The following NARS2 variants were observed in gnomAD, a reference collection of about 807,000 sequenced individuals.
NARS2 encodes the protein asparaginyl-tRNA synthetase 2, mitochondrial.
In NARS2, 60 loss-of-function variants were observed where a neutral mutation model predicts 62.9. The ratio of observed to expected loss-of-function variants is 0.95; its 90% CI spans 0.77 to 1.18. NARS2 has a LOEUF of 1.18. Ranked by LOEUF, NARS2 falls within the 50% of genes most tolerant of loss-of-function variation. The probability of loss-of-function intolerance (pLI) is 0.00; values close to 1 mark genes in which losing one functional copy is unlikely to be tolerated. For synonymous variants in NARS2, 196 were observed against 200.0 expected, an observed-to-expected ratio of 0.98 and a Z score of 0.17; for missense variants, 619 against 576.4, an observed-to-expected ratio of 1.07 and a Z score of -0.76.
At chr11:78,455,625 T>C (rs1858131888) in intron 11 of NARS2, among the ~76,000 whole-genome samples, 1 of 152,074 alleles carries the variant, frequency 6.6e-6, no homozygotes, top group African/African-American at 2.4e-5. Context: ...ACAAGAAAGA[T>C]CAAGTGGTAT....
intron 11 of NARS2, among the ~76,000 whole-genome samples, chr11:78,450,307 A>G (rs1857921664): frequency 6.6e-6 from 1 of 152,224 alleles, no homozygotes; most frequent in South Asian, 2.1e-4. Flanking sequence ...TCAGTATGGA[A>G]GAACTTACCA....
chr11:78,465,416 C>A (rs931354368), intron 11 of NARS2, among the ~76,000 whole-genome samples: 1 of 152,244 alleles, frequency 6.6e-6, no homozygotes, highest in African/African-American at 2.4e-5. Flanking sequence ...GCCGAGGAGG[C>A]GCCGAGAGCG....
chr11:78,525,010 A>G (rs1861247404), intron 6 of NARS2, among the ~76,000 whole-genome samples: 1 of 152,134 alleles, frequency 6.6e-6, no homozygotes, highest in Admixed American at 6.6e-5. Flanking sequence ...GGAACTTTAA[A>G]TTCATATTAC....
intron 7 of NARS2, among the ~76,000 whole-genome samples, chr11:78,485,541 C>T (rs1859535022): frequency 1.3e-5 from 2 of 151,878 alleles, no homozygotes; most frequent in Non-Finnish European, 1.5e-5. Flanking sequence ...CCATTTTTAC[C>T]TCCTTTGTCT....
chr11:78,508,447 G>A (rs1184656413), intron 6 of NARS2, among the ~76,000 whole-genome samples: 1 of 151,846 alleles, frequency 6.6e-6, no homozygotes, highest in Non-Finnish European at 1.5e-5. Flanking sequence ...AAATTAGCTG[G>A]GCATGGTGAC....
chr11:78,454,344 GCCT>G (rs1858076668), intron 11 of NARS2, among the ~76,000 whole-genome samples: 1 of 152,138 alleles, frequency 6.6e-6, no homozygotes, highest in Admixed American at 6.5e-5. Context: ...CATGGGGGTG[GCCT>G]CCTCATGAAT....
At chr11:78,540,851 T>A (rs928951453) in intron 5 of NARS2, among the ~76,000 whole-genome samples, 1 of 152,172 alleles carries the variant, frequency 6.6e-6, no homozygotes, top group Non-Finnish European at 1.5e-5. Context: ...ATACAGATAG[T>A]AAAGAATAAA....
At chr11:78,469,038 A>C (rs1017711465) in intron 10 of NARS2, among the ~76,000 whole-genome samples, 1 of 152,088 alleles carries the variant, frequency 6.6e-6, no homozygotes, top group Non-Finnish European at 1.5e-5. Context: ...AAATGATAAA[A>C]TTTATTTTTA....
chr11:78,571,630 G>A, intron 1 of NARS2, 186 bp from the exon 2 acceptor site: 1 of 483,778 alleles, frequency 2.1e-6, no homozygotes, highest in Non-Finnish European at 3.7e-6. Flanking sequence ...TACACACTTT[G>A]GTATTCTATC....
chr11:78,453,736 T>C (rs1858053796), intron 11 of NARS2, among the ~76,000 whole-genome samples: 3 of 152,242 alleles, frequency 2.0e-5, no homozygotes, highest in African/African-American at 4.8e-5. Context: ...TTGCTGTAAC[T>C]GCTGAAATAC....
intron 11 of NARS2, among the ~76,000 whole-genome samples, chr11:78,452,127 T>G (rs1857992304): frequency 6.6e-6 from 1 of 152,166 alleles, no homozygotes; most frequent in South Asian, 2.1e-4. Flanking sequence ...TAAATTTTTT[T>G]GAGATGGAGT....
chr11:78,560,056 C>G (rs1046873762), intron 4 of NARS2, among the ~76,000 whole-genome samples: 2 of 152,150 alleles, frequency 1.3e-5, no homozygotes, highest in African/African-American at 4.8e-5. Context: ...TGATGCTGCC[C>G]ACGTTGCTAG....
At chr11:78,479,204 CTAAATA>C (rs1305710396) in intron 7 of NARS2, among the ~76,000 whole-genome samples, 2 of 152,004 alleles carry the variant, frequency 1.3e-5, no homozygotes, top group South Asian at 2.1e-4. Flanking sequence ...GATGATATAT[CTAAATA>C]TAAATATATA....
intron 6 of NARS2, among the ~76,000 whole-genome samples, chr11:78,511,643 G>A (rs889472527): frequency 5.9e-5 from 9 of 152,008 alleles, no homozygotes; most frequent in African/African-American, 9.7e-5. Context: ...CGTGAATCCC[G>A]GAGGCGGAGC....
chr11:78,503,449 G>A (rs1860362573), intron 6 of NARS2, among the ~76,000 whole-genome samples: 1 of 152,086 alleles, frequency 6.6e-6, no homozygotes, highest in Non-Finnish European at 1.5e-5. Context: ...TGTTGGCCAG[G>A]CTGGTATTGA....
At chr11:78,462,310 G>C (rs1460618081) in intron 11 of NARS2, among the ~76,000 whole-genome samples, 1 of 152,118 alleles carries the variant, frequency 6.6e-6, no homozygotes, top group African/African-American at 2.4e-5. Context: ...GATAATCTAG[G>C]TCCTAATGTC....
At position 78,466,023 on chromosome 11, in the gene NARS2, GAAGA is replaced by G. The variant is rs1237662158; in HGVS notation, c.1027-14_1027-11del. 1.9e-6 allele frequency: 3 copies of G among 1,575,496 alleles called. No homozygotes were observed. The highest frequency in any genetic ancestry group is 2.3e-5 in the East Asian group (1 of 44,326). On this transcript the variant is annotated splice_polypyrimidine_tract_variant and intron_variant, in intron 10 of 13. Transcript: ENST00000281038. Reference sequence around the variant, plus strand: ...GTAGGTCAGCACCCCACTGTAATGAGAAGAAAGAAATGACCAAAAGAGGAGACAG... The same window carrying G: ...GTAGGTCAGCACCCCACTGTAATGAGAAGAAATGACCAAAAGAGGAGACAG...
intron 6 of NARS2, among the ~76,000 whole-genome samples, chr11:78,514,973 A>T (rs541830809): frequency 7.9e-5 from 12 of 152,338 alleles, no homozygotes; most frequent in African/African-American, 2.6e-4. Context: ...AATAATAATA[A>T]AAAAACTAAA....
chr11:78,487,426 A>T (rs1451975549), intron 7 of NARS2, among the ~76,000 whole-genome samples: 3 of 151,744 alleles, frequency 2.0e-5, no homozygotes, highest in African/African-American at 7.3e-5. Context: ...AGACAGACAG[A>T]CTCGTTAATA....
Sources: gnomAD v4.1 joint callset for allele counts (sites outside exome capture counted in the v4.1 genomes callset) on GRCh38, gnomAD v4.1.1 for gene constraint, MANE v1.5 for transcripts, NCBI Gene and HGNC (gene_info 2026-07-23, HGNC 2026-07-21) for gene names.